Variants in PDE4B observed in about 807,000 individuals in gnomAD.
PDE4B encodes 3',5'-cyclic-AMP phosphodiesterase 4B.
In PDE4B, 20 loss-of-function variants were observed where a neutral mutation model predicts 82.2. The ratio of observed to expected loss-of-function variants is 0.24; its 90% CI spans 0.17 to 0.35. PDE4B has a LOEUF of 0.35. Among genes scored for constraint, PDE4B ranks in the 10% least tolerant of loss-of-function variants. The probability of loss-of-function intolerance (pLI) is 1.00; values close to 1 mark genes in which losing one functional copy is unlikely to be tolerated. For missense variants in PDE4B, 655 were observed against 907.2 expected (o/e 0.72, Z 3.57); for synonymous variants, 320 against 318.9 (o/e 1.00, Z -0.04).
chr1:66,066,711 C>T (rs553052969), intron 3 of PDE4B, among the ~76,000 whole-genome samples: 1 of 151,974 alleles, frequency 6.6e-6, no homozygotes, highest in African/African-American at 2.4e-5. Flanking sequence ...TCTTATGTCT[C>T]ATTCACCCTT....
At chr1:66,035,730 T>C (rs1008200213) in intron 3 of PDE4B, among the ~76,000 whole-genome samples, 4 of 152,214 alleles carry the variant, frequency 2.6e-5, no homozygotes, top group Admixed American at 1.3e-4. Flanking sequence ...ATACACACTT[T>C]AAAATTATTC....
rs761901451 is a variant in PDE4B at position 65,877,488 on chromosome 1, G to A, written c.-70-35757G>A. On this transcript the variant is annotated intron_variant, in intron 1 of 16. Coordinates refer to ENST00000341517, the MANE Select transcript of PDE4B (RefSeq NM_002600.4). ...GAATTAGCTGGGCGTGGTGGCAGGC[G>A]CCTGTAGTCCCAGCTACTTGGGAGG... Among the ~76,000 whole-genome samples, 21 of 152,020 alleles carry A rather than the reference G, an allele frequency of 1.4e-4. No individual in the cohort carries two copies. In the South Asian group the frequency reaches 1.7e-3, roughly 12 times the overall value.
At chr1:66,140,743 C>A (rs1557589698) in intron 3 of PDE4B, among the ~76,000 whole-genome samples, 1 of 152,072 alleles carries the variant, frequency 6.6e-6, no homozygotes, top group Non-Finnish European at 1.5e-5. Context: ...GATATGTGTG[C>A]CTATTAAAGT....
chr1:65,899,578 C>T lies in PDE4B; in HGVS notation c.-70-13667C>T, dbSNP rs150121567. ...AAAAACGTGGAACCAACCTCAATGC[C>T]CATCAATCAACTAGTGGATAAAGAA... On this transcript the variant is annotated intron_variant, in intron 1 of 16. Coordinates refer to ENST00000341517, the MANE Select transcript of PDE4B (RefSeq NM_002600.4). 7.2e-3 allele frequency among the ~76,000 whole-genome samples: 1,026 copies of T among 143,434 alleles called. 13 individuals carry two copies. The highest frequency in any genetic ancestry group is 0.023 in the African/African-American group (935 of 40,404). 94.1% of individuals were successfully genotyped at this position (143,434 alleles called of 152,430 possible).
At chr1:66,061,952 T>G (rs1286824129) in intron 3 of PDE4B, among the ~76,000 whole-genome samples, 1 of 152,112 alleles carries the variant, frequency 6.6e-6, no homozygotes, top group Non-Finnish European at 1.5e-5. Context: ...GTTCTTAATT[T>G]TATCTCCAGG....
intron 3 of PDE4B, among the ~76,000 whole-genome samples, chr1:66,202,383 T>C (rs1353077237): frequency 6.6e-6 from 1 of 152,216 alleles, no homozygotes; most frequent in Non-Finnish European, 1.5e-5. Flanking sequence ...CAGAGCTGAA[T>C]TCAATTCCTG....
rs566007200 is a variant in PDE4B at position 65,884,370 on chromosome 1, C to T, written c.-70-28875C>T. Among the ~76,000 whole-genome samples, 5 of 152,156 alleles carry T rather than the reference C, an allele frequency of 3.3e-5. No homozygotes were observed. The South Asian group carries it at 6.2e-4, about 19-fold the overall frequency. On this transcript the variant is annotated intron_variant, in intron 1 of 16. Coordinates refer to ENST00000341517, the MANE Select transcript of PDE4B (RefSeq NM_002600.4). ...GGTCTATTCAGGGATTCAAGTTCTT[C>T]CTGGTTTAGTCCTGGGAGGGTGTAT...
intron 3 of PDE4B, among the ~76,000 whole-genome samples, chr1:66,063,842 C>G (rs1655706118): frequency 6.6e-6 from 1 of 151,830 alleles, no homozygotes; most frequent in South Asian, 2.1e-4. Flanking sequence ...AAATCAGAAG[C>G]AGGTTTTATA....
intron 3 of PDE4B, among the ~76,000 whole-genome samples, chr1:66,129,348 A>T (rs1557582001): frequency 6.6e-6 from 1 of 152,198 alleles, no homozygotes; most frequent in Non-Finnish European, 1.5e-5. Context: ...GAAGTCTGTA[A>T]CTTAGCATAT....
At chr1:66,192,653 T>C (rs1280445608) in intron 3 of PDE4B, among the ~76,000 whole-genome samples, 1 of 152,182 alleles carries the variant, frequency 6.6e-6, no homozygotes, top group African/African-American at 2.4e-5. Context: ...CTTTTGACAA[T>C]GGAGACATGG....
intron 3 of PDE4B, among the ~76,000 whole-genome samples, chr1:65,953,685 G>C (rs541602520): frequency 6.6e-6 from 1 of 152,190 alleles, no homozygotes; most frequent in African/African-American, 2.4e-5. Context: ...GCAGCAATTA[G>C]TTACTACAGT....
At chr1:65,865,445 G>C (rs903928553) in intron 1 of PDE4B, among the ~76,000 whole-genome samples, 1 of 152,060 alleles carries the variant, frequency 6.6e-6, no homozygotes, top group African/African-American at 2.4e-5. Flanking sequence ...GGGGAGGGGA[G>C]GAACAAAACT....
chr1:66,096,508 TTATATA>T lies in PDE4B; in HGVS notation c.282-150923_282-150918del, dbSNP rs4068855. Among the ~76,000 whole-genome samples, 263 of 107,318 alleles carry T rather than the reference TTATATA, an allele frequency of 2.5e-3. 6 individuals are homozygous for T. Among genetic ancestry groups the T allele is most frequent in the South Asian group, 7.3e-3 (23 of 3,166 alleles). The allele number at this position is 107,318 out of a possible 152,430, so 70.4% of individuals were successfully genotyped here. ...TTAAATGCGGTATAAGTAAAAAAAA[TTATATA>T]TATATATATATATATATATATATAT... On this transcript the variant is annotated intron_variant, in intron 3 of 16. Transcript: ENST00000341517.
intron 3 of PDE4B, among the ~76,000 whole-genome samples, chr1:66,127,233 A>C (rs916623214): frequency 1.4e-4 from 21 of 152,090 alleles, no homozygotes; most frequent in Admixed American, 1.4e-3. Context: ...ATGGCTCTGC[A>C]TACCTTAGGG....
chr1:66,188,912 G>A lies in PDE4B; in HGVS notation c.282-58548G>A, dbSNP rs908339379. Among the ~76,000 whole-genome samples the A allele has an allele frequency of 3.3e-5, 5 of 152,134 alleles. No individual in the cohort carries two copies. The South Asian group carries it at 6.2e-4, about 19-fold the overall frequency. ...CTGGGTATTTTGCTCATTAGTTGAC[G>A]CAGTTTCTTCCTATCCTCGATGGAC... On this transcript the variant is annotated intron_variant, in intron 3 of 16. Transcript: ENST00000341517.
intron 3 of PDE4B, among the ~76,000 whole-genome samples, chr1:66,007,759 C>T (rs757056496): frequency 4.6e-5 from 7 of 152,030 alleles, no homozygotes; most frequent in Non-Finnish European, 7.4e-5. Context: ...ATTTTTTTCA[C>T]ATAAAAATTA....
intron 3 of PDE4B, among the ~76,000 whole-genome samples, chr1:66,068,659 T>G (rs1221876368): frequency 1.3e-5 from 2 of 151,948 alleles, no homozygotes; most frequent in African/African-American, 4.8e-5. Context: ...AAAATTCTTC[T>G]CATTTAAATA....
At chr1:66,081,488 A>G (rs905326201) in intron 3 of PDE4B, among the ~76,000 whole-genome samples, 5 of 152,142 alleles carry the variant, frequency 3.3e-5, no homozygotes, top group Non-Finnish European at 5.9e-5. Flanking sequence ...TGTTTAAAAA[A>G]TCTCATTGAA....
intron 1 of PDE4B, among the ~76,000 whole-genome samples, chr1:65,806,033 C>A (rs570252003): frequency 1.3e-5 from 2 of 152,112 alleles, no homozygotes; most frequent in African/African-American, 4.8e-5. Flanking sequence ...CTTCTATTAT[C>A]AATTTTATTA....
Sources: allele counts gnomAD v4.1 joint callset (sites outside exome capture counted in the v4.1 genomes callset), GRCh38; gene constraint gnomAD v4.1.1; transcripts MANE v1.5; gene names NCBI Gene and HGNC (gene_info 2026-07-23, HGNC 2026-07-21).